KSR2: variants seen among roughly 807,000 people sequenced by gnomAD.
The protein encoded by KSR2 is kinase suppressor of ras 2.
In KSR2, 25 loss-of-function variants were observed where a neutral mutation model predicts 107.8. The ratio of observed to expected loss-of-function variants is 0.23; its 90% CI spans 0.17 to 0.32. The LOEUF (loss-of-function observed/expected upper bound fraction) is 0.32, where lower values mean the gene tolerates loss of function less well. Ranked by LOEUF, KSR2 falls within the 10% of genes least tolerant of loss-of-function variation. The pLI, the probability that KSR2 is intolerant of heterozygous loss-of-function variation, is 1.00. For synonymous variants in KSR2, 480 were observed against 507.0 expected, an observed-to-expected ratio of 0.95 and a Z score of 0.71; for missense variants, 887 against 1,268.9, an observed-to-expected ratio of 0.70 and a Z score of 4.57.
intron 14 of KSR2, among the ~76,000 whole-genome samples, chr12:117,513,415 C>T (rs939477152): frequency 6.6e-6 from 1 of 152,206 alleles, no homozygotes; most frequent in African/African-American, 2.4e-5. Flanking sequence ...GTTGGGAATA[C>T]ATCAAACCAA....
chr12:117,591,494 T>C (rs1438980686), intron 5 of KSR2, among the ~76,000 whole-genome samples: 3 of 151,978 alleles, frequency 2.0e-5, no homozygotes, highest in Non-Finnish European at 2.9e-5. Context: ...GAGATAGAGA[T>C]AGGAGATGCC....
At chr12:117,955,972 C>T (rs1896499989) in intron 1 of KSR2, among the ~76,000 whole-genome samples, 1 of 151,656 alleles carries the variant, frequency 6.6e-6, no homozygotes, top group South Asian at 2.1e-4. Flanking sequence ...CAAGGCCAGC[C>T]AGGCGCAGTG....
intron 1 of KSR2, among the ~76,000 whole-genome samples, chr12:117,872,665 T>C (rs1380848633): frequency 6.6e-6 from 1 of 152,170 alleles, no homozygotes; most frequent in African/African-American, 2.4e-5. Context: ...CTGAGGACTC[T>C]AATGGTTCCA....
intron 3 of KSR2, among the ~76,000 whole-genome samples, chr12:117,793,820 GCA>G (rs572719205): frequency 9.0e-5 from 11 of 122,520 alleles, no homozygotes; most frequent in East Asian, 2.6e-4. Flanking sequence ...ACACCAACAT[GCA>G]CACTCACACC....
chr12:117,867,356 C>T (rs1454742416), intron 1 of KSR2, among the ~76,000 whole-genome samples: 1 of 151,964 alleles, frequency 6.6e-6, no homozygotes, highest in Admixed American at 6.6e-5. Context: ...CATGCAGGAC[C>T]CCAAATGTCA....
intron 7 of KSR2, among the ~76,000 whole-genome samples, chr12:117,575,948 G>A (rs1448421065): frequency 1.3e-5 from 2 of 152,180 alleles, no homozygotes; most frequent in African/African-American, 4.8e-5. Flanking sequence ...GCTCACACAA[G>A]AGTTTAGTAA....
chr12:117,815,473 T>C (rs1048999813), intron 3 of KSR2, among the ~76,000 whole-genome samples: 1 of 152,188 alleles, frequency 6.6e-6, no homozygotes, highest in Non-Finnish European at 1.5e-5. Context: ...TAAATATTCA[T>C]TTATTATTAA....
intron 5 of KSR2, among the ~76,000 whole-genome samples, chr12:117,606,209 C>A (rs1406478674): frequency 6.6e-6 from 1 of 152,100 alleles, no homozygotes; most frequent in Non-Finnish European, 1.5e-5. Flanking sequence ...CAGATATAGA[C>A]AGTTTCCTTA....
chr12:117,656,178 C>T (rs1486683395), intron 5 of KSR2, among the ~76,000 whole-genome samples: 1 of 152,242 alleles, frequency 6.6e-6, no homozygotes, highest in Non-Finnish European at 1.5e-5. Flanking sequence ...TACCCTTGTA[C>T]TAAGAAAATA....
At chr12:117,497,334 A>G (rs1005004808) in intron 14 of KSR2, among the ~76,000 whole-genome samples, 2 of 152,208 alleles carry the variant, frequency 1.3e-5, no homozygotes, top group African/African-American at 4.8e-5. Flanking sequence ...ACTAGGTGCT[A>G]GATGCTTCCA....
intron 1 of KSR2, among the ~76,000 whole-genome samples, chr12:117,895,209 G>A (rs778064142): frequency 2.0e-5 from 3 of 151,938 alleles, no homozygotes. Context: ...TGCACTCCAG[G>A]TTGGGTGACA....
chr12:117,763,891 G>A (rs1053120523), intron 3 of KSR2, among the ~76,000 whole-genome samples: 1 of 152,146 alleles, frequency 6.6e-6, no homozygotes, highest in African/African-American at 2.4e-5. Context: ...GTCAATGAAG[G>A]AAGACCCACC....
rs10160848 is a variant in KSR2 at position 117,475,317 on chromosome 12, C to T, written c.2582+1147G>A. On this transcript the variant is annotated intron_variant, in intron 17 of 19. Coordinates refer to ENST00000339824, the MANE Select transcript of KSR2 (RefSeq NM_173598.6). Reference sequence around the variant, plus strand: ...GATTGACCGTGCTTCCCTCTCTAGTCTCTTATCTCACCACCCCCAGCCTAA... The same window carrying T: ...GATTGACCGTGCTTCCCTCTCTAGTTTCTTATCTCACCACCCCCAGCCTAA... 6.3e-3 allele frequency among the ~76,000 whole-genome samples: 960 copies of T among 152,290 alleles called. 13 individuals are homozygous for T. The highest frequency in any genetic ancestry group is 0.022 in the African/African-American group (910 of 41,546).
At chr12:117,601,324 A>G (rs1336729086) in intron 5 of KSR2, among the ~76,000 whole-genome samples, 1 of 151,462 alleles carries the variant, frequency 6.6e-6, no homozygotes, top group African/African-American at 2.4e-5. Context: ...TTACTAGATT[A>G]AATAGTGTCC....
intron 5 of KSR2, among the ~76,000 whole-genome samples, chr12:117,588,149 T>A (rs2136259922): frequency 6.6e-6 from 1 of 152,276 alleles, no homozygotes; most frequent in South Asian, 2.1e-4. Flanking sequence ...GTGTACTCAT[T>A]GGCCCCACAG....
chr12:117,831,729 GTTA>G (rs1411909895), intron 3 of KSR2, among the ~76,000 whole-genome samples: 2 of 152,306 alleles, frequency 1.3e-5, no homozygotes, highest in African/African-American at 4.8e-5. Context: ...GGTAGGGACA[GTTA>G]TTATCTGAAT....
intron 5 of KSR2, among the ~76,000 whole-genome samples, chr12:117,605,117 TG>T (rs1306593161): frequency 6.6e-6 from 1 of 152,214 alleles, no homozygotes; most frequent in Non-Finnish European, 1.5e-5. Flanking sequence ...ATGAATTCAC[TG>T]GGCTCTCAGG....
At chr12:117,526,202 C>T (rs530098348) in intron 13 of KSR2, among the ~76,000 whole-genome samples, 13 of 152,334 alleles carry the variant, frequency 8.5e-5, no homozygotes, top group South Asian at 8.3e-4. Flanking sequence ...TGCACACACA[C>T]GACTCAGGCG....
At chr12:117,720,326 A>G (rs1887156813) in intron 4 of KSR2, among the ~76,000 whole-genome samples, 1 of 152,176 alleles carries the variant, frequency 6.6e-6, no homozygotes, top group South Asian at 2.1e-4. Flanking sequence ...TAAAAATCTC[A>G]TGATGGAAGC....
Sources: gnomAD v4.1 joint callset for allele counts (sites outside exome capture counted in the v4.1 genomes callset) on GRCh38, gnomAD v4.1.1 for gene constraint, MANE v1.5 for transcripts, NCBI Gene and HGNC (gene_info 2026-07-23, HGNC 2026-07-21) for gene names.